ALK: variants seen among roughly 807,000 people sequenced by gnomAD.
The protein encoded by ALK is ALK receptor tyrosine kinase.
A neutral mutation model predicts 163.1 loss-of-function variants in ALK; 74 were observed. The ratio of observed to expected loss-of-function variants is 0.45; its 90% CI spans 0.38 to 0.55. The LOEUF (loss-of-function observed/expected upper bound fraction) is 0.55, where lower values mean the gene tolerates loss of function less well. Ranked by LOEUF, ALK falls within the 20% of genes least tolerant of loss-of-function variation. The probability of loss-of-function intolerance (pLI) is 0.00; values close to 1 mark genes in which losing one functional copy is unlikely to be tolerated. For missense variants in ALK, 2,063 were observed against 2,105.3 expected (o/e 0.98, Z 0.39); for synonymous variants, 960 against 843.2 (o/e 1.14, Z -2.40).
intron 11 of ALK, among the ~76,000 whole-genome samples, chr2:29,257,372 T>C (rs970365016): frequency 6.6e-6 from 1 of 152,110 alleles, no homozygotes; most frequent in Non-Finnish European, 1.5e-5. Context: ...TTATAGACAG[T>C]TGAGTACAGA....
chr2:29,633,187 A>G (rs1676427423), intron 3 of ALK, among the ~76,000 whole-genome samples: 1 of 152,064 alleles, frequency 6.6e-6, no homozygotes, highest in Non-Finnish European at 1.5e-5. Context: ...CATAGGCTGA[A>G]TGACCTGATT....
At position 29,625,111 on chromosome 2, in the gene ALK, G is replaced by C. The variant is rs142536830; in HGVS notation, c.952+69739C>G. 7.1e-3 allele frequency among the ~76,000 whole-genome samples: 1,082 copies of C among 152,360 alleles called. 12 individuals are homozygous for C. Among genetic ancestry groups the C allele is most frequent in the South Asian group, 0.046 (224 of 4,828 alleles). On this transcript the variant is annotated intron_variant, in intron 3 of 28. Coordinates refer to ENST00000389048, the MANE Select transcript of ALK (RefSeq NM_004304.5). The stretch of plus-strand genomic sequence containing the variant: ...CCACACTGGTGGCCGTGGAATGTGT[G>C]TGGGATTCAAGGAAGAGCATCTGTA...
At chr2:29,794,649 A>G (rs1664262309) in intron 1 of ALK, among the ~76,000 whole-genome samples, 1 of 152,138 alleles carries the variant, frequency 6.6e-6, no homozygotes. Flanking sequence ...TTTGTATCTC[A>G]GGGAACAGGG....
intron 1 of ALK, among the ~76,000 whole-genome samples, chr2:29,737,406 G>T (rs1282075252): frequency 6.6e-6 from 1 of 152,074 alleles, no homozygotes; most frequent in Non-Finnish European, 1.5e-5. Context: ...TGCAGTTGGT[G>T]CTGATTTTAC....
chr2:29,865,734 A>G (rs1317660458), intron 1 of ALK, among the ~76,000 whole-genome samples: 1 of 152,246 alleles, frequency 6.6e-6, no homozygotes, highest in Non-Finnish European at 1.5e-5. Context: ...TGAAAGTTGA[A>G]AAGATAAGTT....
chr2:29,526,703 C>T (rs1445889462), intron 4 of ALK, among the ~76,000 whole-genome samples: 2 of 152,184 alleles, frequency 1.3e-5, no homozygotes, highest in South Asian at 2.1e-4. Flanking sequence ...AGGCAAGATT[C>T]GAAGAGAACT....
intron 3 of ALK, among the ~76,000 whole-genome samples, chr2:29,618,009 C>T (rs1472949391): frequency 6.6e-6 from 1 of 152,162 alleles, no homozygotes; most frequent in Non-Finnish European, 1.5e-5. Context: ...ACTTTGGGTT[C>T]TGCCTAGCAC....
intron 4 of ALK, among the ~76,000 whole-genome samples, chr2:29,499,725 G>A (rs372826707): frequency 4.0e-5 from 6 of 151,808 alleles, no homozygotes; most frequent in East Asian, 3.9e-4. Flanking sequence ...TTTCACCACC[G>A]TGAACCACCT....
intron 3 of ALK, among the ~76,000 whole-genome samples, chr2:29,677,964 G>C (rs1206616935): frequency 2.0e-5 from 3 of 151,948 alleles, no homozygotes; most frequent in African/African-American, 7.2e-5. Flanking sequence ...GTCTTTACTT[G>C]TTATAAGTCT....
chr2:29,851,266 A>T (rs924627599), intron 1 of ALK, among the ~76,000 whole-genome samples: 1 of 152,198 alleles, frequency 6.6e-6, no homozygotes, highest in African/African-American at 2.4e-5. Flanking sequence ...ACCAGAGCAT[A>T]AACTGCAAAA....
intron 3 of ALK, among the ~76,000 whole-genome samples, chr2:29,559,587 T>C (rs1046601011): frequency 2.0e-5 from 3 of 152,212 alleles, no homozygotes; most frequent in Non-Finnish European, 2.9e-5. Context: ...TCACCTTCAA[T>C]CCCATGAGAA....
chr2:29,794,085 C>A (rs1202910561), intron 1 of ALK, among the ~76,000 whole-genome samples: 1 of 152,146 alleles, frequency 6.6e-6, no homozygotes, highest in African/African-American at 2.4e-5. Flanking sequence ...TTAGTGTAGC[C>A]ACCTTCATCA....
intron 4 of ALK, among the ~76,000 whole-genome samples, chr2:29,384,887 CT>C (rs1171795604): frequency 1.3e-5 from 2 of 152,158 alleles, no homozygotes; most frequent in Admixed American, 1.3e-4. Flanking sequence ...CCTGTCTCTA[CT>C]AAAAATACAA....
At chr2:29,567,736 A>C (rs910742498) in intron 3 of ALK, among the ~76,000 whole-genome samples, 9 of 152,204 alleles carry the variant, frequency 5.9e-5, no homozygotes, top group Non-Finnish European at 1.2e-4. Context: ...TTATCTGGAC[A>C]GTTCAGGTAA....
intron 1 of ALK, among the ~76,000 whole-genome samples, chr2:29,844,866 C>T (rs1199584152): frequency 2.1e-5 from 1 of 46,750 alleles, no homozygotes; most frequent in Non-Finnish European, 5.6e-5. Context: ...CCTGCACACA[C>T]ACACACACAC....
chr2:29,643,779 A>G (rs1355768290), intron 3 of ALK, among the ~76,000 whole-genome samples: 3 of 152,160 alleles, frequency 2.0e-5, no homozygotes, highest in Non-Finnish European at 4.4e-5. Flanking sequence ...GAGAAACAGG[A>G]ACACTTTTAC....
rs118067655 is a variant in ALK at position 29,621,185 on chromosome 2, T to C, written c.952+73665A>G. On this transcript the variant is annotated intron_variant, in intron 3 of 28. Transcript: ENST00000389048. ...TTTCATGCATAAATGTTTGAGCTGA[T>C]ATTTAAGATCTAGGAAATCTGCTGA... Among the ~76,000 whole-genome samples the C allele has an allele frequency of 6.6e-4, 100 of 152,222 alleles. 1 individual carries two copies. In the East Asian group the frequency reaches 0.018, roughly 28 times the overall value.
At chr2:29,628,345 A>G (rs914439211) in intron 3 of ALK, among the ~76,000 whole-genome samples, 3 of 152,216 alleles carry the variant, frequency 2.0e-5, no homozygotes, top group Non-Finnish European at 4.4e-5. Flanking sequence ...AGGATGAATC[A>G]CATGTGCTCT....
intron 5 of ALK, among the ~76,000 whole-genome samples, chr2:29,337,105 T>G (rs1296478617): frequency 6.6e-6 from 1 of 152,146 alleles, no homozygotes; most frequent in Non-Finnish European, 1.5e-5. Flanking sequence ...GTGCACAGAC[T>G]AACAGCTGCA....
Sources: allele counts gnomAD v4.1 joint callset (sites outside exome capture counted in the v4.1 genomes callset), GRCh38; gene constraint gnomAD v4.1.1; transcripts MANE v1.5; gene names NCBI Gene and HGNC (gene_info 2026-07-23, HGNC 2026-07-21).